NEGR1: variants seen among roughly 807,000 people sequenced by gnomAD.
NEGR1 encodes IgLON family member 4.
NEGR1 carries 10 observed loss-of-function variants against 40.9 expected under a neutral mutation model. The ratio of observed to expected loss-of-function variants is 0.24; its 90% CI spans 0.15 to 0.42. NEGR1 has a LOEUF of 0.42. Ranked by LOEUF, NEGR1 falls within the 10% of genes least tolerant of loss-of-function variation. NEGR1 has a pLI of 1.00. For missense variants in NEGR1, 352 were observed against 438.9 expected (o/e 0.80, Z 1.77); for synonymous variants, 185 against 166.8 (o/e 1.11, Z -0.84).
At chr1:71,943,010 ATATATG>A (rs1186376629) in intron 1 of NEGR1, among the ~76,000 whole-genome samples, 7 of 134,808 alleles carry the variant, frequency 5.2e-5, no homozygotes, top group African/African-American at 1.9e-4. Flanking sequence ...GTGTGTATAT[ATATATG>A]TGTATATATA....
intron 2 of NEGR1, among the ~76,000 whole-genome samples, chr1:71,845,190 G>A (rs374374350): frequency 2.6e-5 from 4 of 152,044 alleles, no homozygotes; most frequent in East Asian, 3.9e-4. Flanking sequence ...CTCAGAGAGT[G>A]TAGCTTAATT....
intron 1 of NEGR1, among the ~76,000 whole-genome samples, chr1:71,990,547 T>C (rs575119777): frequency 3.5e-4 from 54 of 152,262 alleles, no homozygotes; most frequent in African/African-American, 1.3e-3. Context: ...ATGAAATGCA[T>C]GCCAAGTAAT....
intron 3 of NEGR1, among the ~76,000 whole-genome samples, chr1:71,707,057 C>T (rs1343534739): frequency 6.6e-6 from 1 of 152,144 alleles, no homozygotes; most frequent in African/African-American, 2.4e-5. Context: ...AGGATTTAAA[C>T]CAGCCCTAGC....
rs116393693 is a variant in NEGR1, at chr1:71,511,783, C to T, written c.940+81034G>A. Among the ~76,000 whole-genome samples, 1,210 of 152,268 alleles carry T rather than the reference C, an allele frequency of 7.9e-3. 17 individuals carry two copies. Among genetic ancestry groups the T allele is most frequent in the African/African-American group, 0.028 (1,155 of 41,546 alleles). ...TTGCACTGAAAAGATTAGTTAAAGA[C>T]ACACAAAGTCAATATTAAATATAAC... On this transcript the variant is annotated intron_variant, in intron 6 of 6. Coordinates refer to ENST00000357731, the MANE Select transcript of NEGR1 (RefSeq NM_173808.3).
chr1:72,248,341 T>G (rs1226223555), intron 1 of NEGR1, among the ~76,000 whole-genome samples: 1 of 152,034 alleles, frequency 6.6e-6, no homozygotes, highest in Non-Finnish European at 1.5e-5. Context: ...CACTGCAACC[T>G]CCGCCTTCCG....
intron 6 of NEGR1, among the ~76,000 whole-genome samples, chr1:71,567,439 A>G (rs1443742381): frequency 1.3e-5 from 2 of 152,162 alleles, no homozygotes; most frequent in African/African-American, 2.4e-5. Context: ...CCTATTACCT[A>G]TACTTTAATT....
intron 6 of NEGR1, among the ~76,000 whole-genome samples, chr1:71,473,640 A>G (rs956058671): frequency 6.6e-6 from 1 of 152,074 alleles, no homozygotes; most frequent in African/African-American, 2.4e-5. Flanking sequence ...TTGAGAACAT[A>G]TATTTTGTAG....
intron 6 of NEGR1, among the ~76,000 whole-genome samples, chr1:71,498,462 G>C (rs1646979594): frequency 6.6e-6 from 1 of 152,142 alleles, no homozygotes; most frequent in South Asian, 2.1e-4. Context: ...TGCTTCAAGA[G>C]GTGTAGCAAT....
chr1:71,768,161 G>A (rs1225514023), intron 3 of NEGR1, among the ~76,000 whole-genome samples: 2 of 152,178 alleles, frequency 1.3e-5, no homozygotes, highest in Non-Finnish European at 2.9e-5. Flanking sequence ...ATTACTTAGT[G>A]GAGTTGTGAG....
At chr1:71,718,926 C>G (rs548716988) in intron 3 of NEGR1, among the ~76,000 whole-genome samples, 1 of 152,076 alleles carries the variant, frequency 6.6e-6, no homozygotes, top group Non-Finnish European at 1.5e-5. Context: ...AAACTTCAGC[C>G]AAGTCTAAAG....
chr1:71,854,258 C>T (rs1659695643), intron 2 of NEGR1, among the ~76,000 whole-genome samples: 1 of 151,950 alleles, frequency 6.6e-6, no homozygotes, highest in Non-Finnish European at 1.5e-5. Flanking sequence ...AATTGCTCCC[C>T]CTGTGAGCTC....
At chr1:71,439,775 C>A (rs1399354297) in intron 6 of NEGR1, 1 of 152,082 alleles carries the variant, frequency 6.6e-6, no homozygotes, top group African/African-American at 2.4e-5. Flanking sequence ...CTGAGGGATT[C>A]TTGTTTTCTT....
At chr1:72,244,034 C>G (rs1654828594) in intron 1 of NEGR1, among the ~76,000 whole-genome samples, 1 of 151,706 alleles carries the variant, frequency 6.6e-6, no homozygotes, top group Non-Finnish European at 1.5e-5. Context: ...TTCTAGTACA[C>G]CGTATTTAGT....
intron 4 of NEGR1, among the ~76,000 whole-genome samples, chr1:71,622,244 A>G (rs1319475336): frequency 6.6e-6 from 1 of 151,894 alleles, no homozygotes; most frequent in Non-Finnish European, 1.5e-5. Flanking sequence ...GTTGTCAGTC[A>G]TGCTGAAATT....
At chr1:71,800,365 G>T (rs981057522) in intron 2 of NEGR1, among the ~76,000 whole-genome samples, 1 of 152,072 alleles carries the variant, frequency 6.6e-6, no homozygotes, top group Non-Finnish European at 1.5e-5. Flanking sequence ...GCTCCCATTT[G>T]TCAATTTTGG....
intron 2 of NEGR1, among the ~76,000 whole-genome samples, chr1:71,874,765 T>G (rs1281672764): frequency 6.6e-6 from 1 of 152,182 alleles, no homozygotes; most frequent in Non-Finnish European, 1.5e-5. Flanking sequence ...TCACTTAGTA[T>G]CATGATATCA....
intron 1 of NEGR1, among the ~76,000 whole-genome samples, chr1:72,216,438 T>C (rs915422820): frequency 2.0e-5 from 3 of 147,546 alleles, no homozygotes; most frequent in African/African-American, 7.4e-5. Context: ...TACACACATA[T>C]ATATATATGT....
intron 1 of NEGR1, among the ~76,000 whole-genome samples, chr1:72,141,737 T>C (rs1650686056): frequency 6.6e-6 from 1 of 152,044 alleles, no homozygotes; most frequent in Admixed American, 6.6e-5. Flanking sequence ...ATAAACAGGT[T>C]CTTTATAAAG....
At chr1:71,634,554 C>A (rs1651079076) in intron 4 of NEGR1, among the ~76,000 whole-genome samples, 2 of 152,076 alleles carry the variant, frequency 1.3e-5, no homozygotes, top group African/African-American at 4.8e-5. Context: ...TCAAAGAGAT[C>A]CTGAGTTCCT....
Sources: gnomAD v4.1 joint callset for allele counts (sites outside exome capture counted in the v4.1 genomes callset) on GRCh38, gnomAD v4.1.1 for gene constraint, MANE v1.5 for transcripts, NCBI Gene and HGNC (gene_info 2026-07-23, HGNC 2026-07-21) for gene names.